Variants in AKAP6 observed in about 807,000 individuals in gnomAD.
The protein encoded by AKAP6 is A-kinase anchor protein 6.
Under a neutral mutation model 188.5 loss-of-function variants are expected in AKAP6, and 58 were observed. The ratio of observed to expected loss-of-function variants is 0.31; its 90% CI spans 0.25 to 0.38. The LOEUF is 0.38. Among genes scored for constraint, AKAP6 ranks in the 10% least tolerant of loss-of-function variants. AKAP6 has a pLI of 1.00. For missense variants in AKAP6, 2,710 were observed against 2,740.0 expected, an observed-to-expected ratio of 0.99 and a Z score of 0.24; for synonymous variants, 989 against 998.6, an observed-to-expected ratio of 0.99 and a Z score of 0.18.
intron 2 of AKAP6, among the ~76,000 whole-genome samples, chr14:32,469,090 G>A (rs540609987): frequency 6.6e-6 from 1 of 152,222 alleles, no homozygotes; most frequent in African/African-American, 2.4e-5. Flanking sequence ...TGACTCATGG[G>A]GTGTACTGTG....
intron 1 of AKAP6, among the ~76,000 whole-genome samples, chr14:32,337,096 T>A (rs1473000204): frequency 6.6e-6 from 1 of 152,184 alleles, no homozygotes; most frequent in Non-Finnish European, 1.5e-5. Flanking sequence ...TATTAGTCAG[T>A]CTTGCAGGCA....
chr14:32,486,914 T>C (rs1879725193), intron 2 of AKAP6, among the ~76,000 whole-genome samples: 2 of 152,218 alleles, frequency 1.3e-5, no homozygotes, highest in South Asian at 4.1e-4. Flanking sequence ...AGGGAATGCT[T>C]CCAGCTTTTG....
intron 1 of AKAP6, among the ~76,000 whole-genome samples, chr14:32,346,240 T>C (rs1887061516): frequency 6.6e-6 from 1 of 152,130 alleles, no homozygotes; most frequent in Admixed American, 6.5e-5. Flanking sequence ...CTTCATGAGA[T>C]TCTACTTAGG....
chr14:32,518,284 C>T (rs771731683), intron 2 of AKAP6, among the ~76,000 whole-genome samples: 6 of 152,120 alleles, frequency 3.9e-5, no homozygotes, highest in Non-Finnish European at 8.8e-5. Flanking sequence ...ATCAGAGCAC[C>T]TCTTTTCCTC....
At position 32,549,401 on chromosome 14, in the gene AKAP6, C is replaced by T. The variant is rs577686388; in HGVS notation, c.2346+2402C>T. Among the ~76,000 whole-genome samples the T allele has an allele frequency of 9.3e-4, 142 of 152,194 alleles. 1 individual carries two copies. Among genetic ancestry groups the T allele is most frequent in the African/African-American group, 2.4e-3 (101 of 41,530 alleles). On this transcript the variant is annotated intron_variant, in intron 4 of 13. Coordinates refer to ENST00000280979, the MANE Select transcript of AKAP6 (RefSeq NM_004274.5). The stretch of plus-strand genomic sequence containing the variant: ...GACAGATAAAGGAAAAGGAAGGTGG[C>T]GTTTCAGGTAGGAGGAGCATAAACT...
rs2034821080 is a variant in AKAP6 at position 32,831,649 on chromosome 14, A to G, written c.*1844A>G. The G allele has an allele frequency of 6.6e-6, 1 of 152,286 alleles. No homozygotes were observed. The allele number at this position is 152,286 out of a possible 1,614,324, so 9.4% of individuals were successfully genotyped here. ...TGCATTAGGAACAAGTGAACACGCA[A>G]ATGACATGAAGTATTTGTTGCAGAG... On this transcript the variant is annotated 3_prime_UTR_variant, in exon 14 of 14. Transcript: ENST00000280979.
chr14:32,601,894 C>T (rs1885940880), intron 7 of AKAP6, among the ~76,000 whole-genome samples: 1 of 152,180 alleles, frequency 6.6e-6, no homozygotes, highest in Non-Finnish European at 1.5e-5. Flanking sequence ...CAATTTACAG[C>T]TTTTGAATCT....
At chr14:32,786,235 A>C in intron 12 of AKAP6, among the ~76,000 whole-genome samples, 1 of 151,090 alleles carries the variant, frequency 6.6e-6, no homozygotes, top group Non-Finnish European at 1.5e-5. Context: ...ATCTCTGATA[A>C]TATACATCTG....
At chr14:32,656,747 C>T (rs1176358519) in intron 7 of AKAP6, among the ~76,000 whole-genome samples, 1 of 152,102 alleles carries the variant, frequency 6.6e-6, no homozygotes, top group Non-Finnish European at 1.5e-5. Flanking sequence ...TGCTATTGTT[C>T]CACTCCTACA....
At chr14:32,422,557 G>A (rs1041277205) in intron 1 of AKAP6, among the ~76,000 whole-genome samples, 1 of 152,126 alleles carries the variant, frequency 6.6e-6, no homozygotes, top group Non-Finnish European at 1.5e-5. Context: ...GCTTGTCTAA[G>A]CTTCAATGTC....
At chr14:32,411,916 A>G (rs1210173428) in intron 1 of AKAP6, among the ~76,000 whole-genome samples, 1 of 151,136 alleles carries the variant, frequency 6.6e-6, no homozygotes, top group African/African-American at 2.4e-5. Context: ...CTTCTCTAAT[A>G]TGTTTTCCGT....
chr14:32,652,489 C>T (rs568919323), intron 7 of AKAP6, among the ~76,000 whole-genome samples: 1 of 152,318 alleles, frequency 6.6e-6, no homozygotes, highest in East Asian at 1.9e-4. Flanking sequence ...TATTTTTAAG[C>T]ATTCTTTTGC....
intron 2 of AKAP6, among the ~76,000 whole-genome samples, chr14:32,522,819 A>G (rs1333643807): frequency 1.4e-4 from 22 of 152,192 alleles, no homozygotes; most frequent in African/African-American, 4.8e-4. Context: ...ATACCATTTT[A>G]CCCAGCCATC....
chr14:32,727,449 A>C (rs1345867767), intron 9 of AKAP6, among the ~76,000 whole-genome samples: 1 of 152,242 alleles, frequency 6.6e-6, no homozygotes, highest in Non-Finnish European at 1.5e-5. Flanking sequence ...AATGGCAGAT[A>C]CTTTAAAAAA....
At position 32,488,316 on chromosome 14, in the gene AKAP6, T is replaced by C. The variant is rs376523797; in HGVS notation, c.325-47238T>C. On this transcript the variant is annotated intron_variant, in intron 2 of 13. Transcript: ENST00000280979. ...ACCCAGTCCAAACTTCCTGGTGGCT[T>C]TGTTTACACTGTGAGGGGAAAACTG... 2.4e-4 allele frequency among the ~76,000 whole-genome samples: 37 copies of C among 152,288 alleles called. No homozygotes were observed. In the East Asian group the frequency reaches 5.4e-3, roughly 22 times the overall value.
At chr14:32,446,478 T>C (rs887625793) in intron 2 of AKAP6, among the ~76,000 whole-genome samples, 2 of 152,170 alleles carry the variant, frequency 1.3e-5, no homozygotes, top group Admixed American at 6.5e-5. Flanking sequence ...CTCTTCTTAG[T>C]AGTTATAAAC....
At chr14:32,732,752 GA>G in intron 10 of AKAP6, 152 bp downstream of exon 10, 1 of 869,008 alleles carries the variant, frequency 1.2e-6, no homozygotes, top group Non-Finnish European at 1.8e-6. Context: ...TTATGGGAAA[GA>G]CACTGCTTTT....
At chr14:32,467,724 G>A (rs754174661) in intron 2 of AKAP6, among the ~76,000 whole-genome samples, 15 of 152,138 alleles carry the variant, frequency 9.9e-5, no homozygotes, top group Non-Finnish European at 2.1e-4. Flanking sequence ...GATCTTCAGT[G>A]TGGAAGAGGT....
At position 32,520,339 on chromosome 14, in the gene AKAP6, C is replaced by CTTCTTGCCT. The variant is rs575923695; in HGVS notation, c.325-15214_325-15213insTCTTGCCTT. On this transcript the variant is annotated intron_variant, in intron 2 of 13. Transcript: ENST00000280979. ...AAAGCTAGCAGAAGGCAAGAATTAA[C>CTTCTTGCCT]TAAGATCAGAGCAGAACTGAAGGAG... Among the ~76,000 whole-genome samples the CTTCTTGCCT allele has an allele frequency of 3.3e-3, 509 of 152,238 alleles. 6 individuals are homozygous for CTTCTTGCCT. The highest frequency in any genetic ancestry group is 0.012 in the African/African-American group (485 of 41,556).
Sources: gnomAD v4.1 joint callset for allele counts (sites outside exome capture counted in the v4.1 genomes callset) on GRCh38, gnomAD v4.1.1 for gene constraint, MANE v1.5 for transcripts, NCBI Gene and HGNC (gene_info 2026-07-23, HGNC 2026-07-21) for gene names.